The following CTNNA3 variants were observed in gnomAD, a reference collection of about 807,000 sequenced individuals.
CTNNA3 encodes catenin alpha 3.
CTNNA3 carries 76 observed loss-of-function variants against 95.7 expected under a neutral mutation model. The observed-to-expected ratio is 0.79, with a 90% CI of 0.66 to 0.96. CTNNA3 has a LOEUF of 0.96. CTNNA3 is among the 40% of genes least tolerant of loss of function. The probability of loss-of-function intolerance (pLI) is 0.00; values close to 1 mark genes in which losing one functional copy is unlikely to be tolerated. For missense variants in CTNNA3, 1,191 were observed against 1,089.8 expected, an observed-to-expected ratio of 1.09 and a Z score of -1.31; for synonymous variants, 431 against 374.4, an observed-to-expected ratio of 1.15 and a Z score of -1.74.
At chr10:66,661,986 G>A (rs1012931967) in intron 9 of CTNNA3, among the ~76,000 whole-genome samples, 29 of 152,284 alleles carry the variant, frequency 1.9e-4, no homozygotes, top group African/African-American at 6.3e-4. Flanking sequence ...AAAAACTGGT[G>A]CACTGCTCAC....
chr10:66,997,741 G>A (rs918010734), intron 7 of CTNNA3, among the ~76,000 whole-genome samples: 14 of 151,998 alleles, frequency 9.2e-5, no homozygotes, highest in African/African-American at 2.9e-4. Flanking sequence ...CAATCTATAA[G>A]AGAATTGTTC....
chr10:67,725,121 A>T (rs111587269), intron 1 of CTNNA3, among the ~76,000 whole-genome samples: 20 of 151,894 alleles, frequency 1.3e-4, no homozygotes, highest in African/African-American at 4.4e-4. Flanking sequence ...GTAGTTCTCC[A>T]TGAGTCACTT....
At chr10:66,221,971 C>A (rs1056582867) in intron 13 of CTNNA3, among the ~76,000 whole-genome samples, 2 of 152,238 alleles carry the variant, frequency 1.3e-5, no homozygotes, top group Admixed American at 1.3e-4. Flanking sequence ...AGCTTAAGTA[C>A]AATTACAGAA....
intron 15 of CTNNA3, among the ~76,000 whole-genome samples, chr10:65,997,842 C>A (rs1177326904): frequency 2.0e-5 from 3 of 152,032 alleles, no homozygotes; most frequent in Non-Finnish European, 4.4e-5. Context: ...CATGGAGAAA[C>A]CCCATCTGTA....
intron 13 of CTNNA3, among the ~76,000 whole-genome samples, chr10:66,170,266 T>TTTTTTG (rs2085349790): frequency 6.8e-6 from 1 of 146,170 alleles, no homozygotes; most frequent in Non-Finnish European, 1.5e-5. Context: ...TTTTTTTTTT[T>TTTTTTG]AGATGGTAGA....
chr10:66,200,454 T>C (rs1412081502), intron 13 of CTNNA3, among the ~76,000 whole-genome samples: 1 of 152,176 alleles, frequency 6.6e-6, no homozygotes, highest in Admixed American at 6.6e-5. Flanking sequence ...TCTGGACATT[T>C]TGAGATAGGA....
At chr10:67,285,997 G>T (rs917197992) in intron 5 of CTNNA3, among the ~76,000 whole-genome samples, 3 of 152,184 alleles carry the variant, frequency 2.0e-5, no homozygotes, top group African/African-American at 7.2e-5. Context: ...TATTCCAGCT[G>T]TTTGGGGCTG....
chr10:66,238,253 A>T (rs1012585313), intron 13 of CTNNA3, among the ~76,000 whole-genome samples: 1 of 152,004 alleles, frequency 6.6e-6, no homozygotes, highest in African/African-American at 2.4e-5. Context: ...TCAGGTTATA[A>T]ATATTAAATA....
chr10:66,136,860 C>T (rs1305278674), intron 13 of CTNNA3, among the ~76,000 whole-genome samples: 2 of 151,794 alleles, frequency 1.3e-5, no homozygotes, highest in Admixed American at 6.6e-5. Flanking sequence ...GTCTCACTGT[C>T]GCCCAGGCTG....
intron 11 of CTNNA3, among the ~76,000 whole-genome samples, chr10:66,503,562 G>A (rs909940983): frequency 4.6e-5 from 7 of 151,896 alleles, no homozygotes; most frequent in Admixed American, 1.3e-4. Flanking sequence ...TCTGCCTCCC[G>A]GGTTCAAGCA....
intron 5 of CTNNA3, among the ~76,000 whole-genome samples, chr10:67,445,426 A>G (rs1237654136): frequency 6.6e-6 from 1 of 151,920 alleles, no homozygotes; most frequent in Non-Finnish European, 1.5e-5. Flanking sequence ...TCTGTTGCCT[A>G]TAAGAAACAC....
At chr10:66,813,207 T>C (rs1253210199) in intron 7 of CTNNA3, among the ~76,000 whole-genome samples, 2 of 152,224 alleles carry the variant, frequency 1.3e-5, no homozygotes, top group Non-Finnish European at 2.9e-5. Context: ...CTATGTTTTA[T>C]GTCTTAATCT....
intron 4 of CTNNA3, among the ~76,000 whole-genome samples, chr10:67,531,955 T>G (rs1246067543): frequency 6.6e-6 from 1 of 152,108 alleles, no homozygotes; most frequent in African/African-American, 2.4e-5. Context: ...TCTCTTTGCC[T>G]GCTGCCGTCC....
Position 67,712,633 on chromosome 10 carries a change from C to T in CTNNA3, c.-2+50801G>A, listed in dbSNP as rs959186336. Among the ~76,000 whole-genome samples the T allele has an allele frequency of 3.3e-5, 5 of 152,266 alleles. No homozygotes were observed. In the East Asian group the frequency reaches 9.7e-4, roughly 29 times the overall value. ...CCACATGGTGTTGAGCCTGCAAGTG[C>T]AGAGAAGTCAAGAATTGAGGTTTGG... On this transcript the variant is annotated intron_variant, in intron 1 of 17. Coordinates refer to the CTNNA3 transcript ENST00000684154.
At chr10:67,470,590 G>A (rs1002390414) in intron 5 of CTNNA3, among the ~76,000 whole-genome samples, 7 of 152,002 alleles carry the variant, frequency 4.6e-5, no homozygotes, top group African/African-American at 1.4e-4. Flanking sequence ...CCTTAGACAA[G>A]TGATGTTTCC....
intron 1 of CTNNA3, among the ~76,000 whole-genome samples, chr10:67,718,314 C>A (rs1437103301): frequency 6.6e-6 from 1 of 152,160 alleles, no homozygotes; most frequent in African/African-American, 2.4e-5. Flanking sequence ...TATTTCTCCT[C>A]TTGCCTGATT....
rs532711877 is a variant in CTNNA3, at chr10:65,986,119, T to G, written c.2265+2573A>C. ...TACTAATTAAACTACTAAGTGAAAA[T>G]TAAAATTTCTTTTTGTTTATTTTGT... is the stretch of plus-strand genomic sequence containing the variant. On this transcript the variant is annotated intron_variant, in intron 16 of 17. Coordinates refer to ENST00000433211, the MANE Select transcript of CTNNA3 (RefSeq NM_013266.4). Among the ~76,000 whole-genome samples the G allele has an allele frequency of 2.0e-5, 3 of 151,458 alleles. No individual in the cohort carries two copies. In the East Asian group the frequency reaches 5.8e-4, roughly 29 times the overall value.
At chr10:67,339,262 T>A (rs910871242) in intron 5 of CTNNA3, among the ~76,000 whole-genome samples, 1 of 152,128 alleles carries the variant, frequency 6.6e-6, no homozygotes. Flanking sequence ...TTTTCCAAAG[T>A]GGACATAAAT....
At chr10:66,717,928 A>G (rs1009381048) in intron 9 of CTNNA3, among the ~76,000 whole-genome samples, 1 of 152,204 alleles carries the variant, frequency 6.6e-6, no homozygotes, top group African/African-American at 2.4e-5. Context: ...GTAATAAATG[A>G]AAAGGTAGCC....
Sources: gnomAD v4.1 joint callset for allele counts (sites outside exome capture counted in the v4.1 genomes callset) on GRCh38, gnomAD v4.1.1 for gene constraint, MANE v1.5 for transcripts, NCBI Gene and HGNC (gene_info 2026-07-23, HGNC 2026-07-21) for gene names.